Variants in DAGLB observed in about 807,000 individuals in gnomAD.
DAGLB encodes diacylglycerol lipase-beta.
DAGLB carries 66 observed loss-of-function variants against 72.1 expected under a neutral mutation model. That is an observed-to-expected ratio of 0.92 (90% CI 0.75 to 1.12). DAGLB has a LOEUF of 1.12. Among genes scored for constraint, DAGLB ranks in the 50% most tolerant of loss-of-function variants. DAGLB has a pLI of 0.00. For missense variants in DAGLB, 1,065 were observed against 884.9 expected (o/e 1.20, Z -2.58); for synonymous variants, 414 against 359.5 (o/e 1.15, Z -1.71).
chr7:6,426,355 C>T (rs1032518048), intron 6 of DAGLB, among the ~76,000 whole-genome samples: 5 of 152,212 alleles, frequency 3.3e-5, no homozygotes, highest in Admixed American at 6.5e-5. Flanking sequence ...CCGCAACCTC[C>T]GCCTCCCAGG....
intron 6 of DAGLB, among the ~76,000 whole-genome samples, chr7:6,427,603 T>C (rs1426593210): frequency 6.6e-6 from 1 of 152,078 alleles, no homozygotes; most frequent in Non-Finnish European, 1.5e-5. Context: ...AAAAAAAAGA[T>C]ATTAGTAAAA....
chr7:6,433,122 A>G (rs1459854686), intron 4 of DAGLB, among the ~76,000 whole-genome samples, 163 bp from the exon 5 acceptor site: 5 of 152,220 alleles, frequency 3.3e-5, no homozygotes, highest in Non-Finnish European at 5.9e-5. Context: ...GTGCTTCTCT[A>G]TGTGACCTGA....
chr7:6,438,095 T>C (rs1285639716), intron 2 of DAGLB, among the ~76,000 whole-genome samples: 3 of 151,862 alleles, frequency 2.0e-5, no homozygotes, highest in African/African-American at 4.8e-5. Flanking sequence ...GAGCAAACTA[T>C]CGCAAGGACA....
intron 2 of DAGLB, among the ~76,000 whole-genome samples, chr7:6,439,297 T>G (rs1784755845): frequency 6.6e-6 from 1 of 151,880 alleles, no homozygotes. Context: ...AAACTTTCCC[T>G]TTTATTTTTC....
intron 2 of DAGLB, among the ~76,000 whole-genome samples, chr7:6,437,394 T>A (rs1303995680): frequency 6.6e-6 from 1 of 152,108 alleles, no homozygotes; most frequent in Non-Finnish European, 1.5e-5. Context: ...TATCTCATTT[T>A]ACGTATGAGC....
At chr7:6,441,912 G>A (rs535138237) in intron 2 of DAGLB, among the ~76,000 whole-genome samples, 10 of 152,192 alleles carry the variant, frequency 6.6e-5, no homozygotes, top group African/African-American at 2.4e-4. Context: ...GAAGCAAGAC[G>A]GCATCGGGGC....
chr7:6,439,453 C>T (rs1179987389), intron 2 of DAGLB, among the ~76,000 whole-genome samples: 1 of 152,124 alleles, frequency 6.6e-6, no homozygotes, highest in African/African-American at 2.4e-5. Context: ...CATCCATCAT[C>T]AGACACAGCC....
At chr7:6,420,418 C>T (rs836512) in intron 9 of DAGLB, among the ~76,000 whole-genome samples, 9,689 of 148,774 alleles carry the variant, frequency 0.065, 813 homozygotes, top group African/African-American at 0.19. Context: ...CCAGCCTGGA[C>T]GACAGAGCAA....
chr7:6,410,125 C>T lies in DAGLB; in HGVS notation c.1820+5G>A, dbSNP rs777360450. ...TGCCCACCACACCCACCACGCCGCA[C>T]TCACCGCCCCGAGGCGCCCTCCTCC... is the stretch of plus-strand genomic sequence containing the variant. On this transcript the variant is annotated splice_donor_5th_base_variant and intron_variant, in intron 14 of 14. Transcript: ENST00000297056. 1.9e-6 allele frequency: 3 copies of T among 1,573,960 alleles called. No homozygotes were observed. Among genetic ancestry groups the T allele is most frequent in the East Asian group, 2.3e-5 (1 of 44,328 alleles).
intron 11 of DAGLB, 57 bp from the exon 12 acceptor site, chr7:6,413,091 C>A: frequency 5.7e-6 from 9 of 1,569,248 alleles, no homozygotes; most frequent in Non-Finnish European, 7.8e-6. Flanking sequence ...CCCACAAGGG[C>A]TTCCATGAAA....
Position 6,409,929 on chromosome 7 carries a change from T to C in DAGLB, c.1927A>G (p.Ile643Val), listed in dbSNP as rs138127497. 385 of 1,614,128 alleles carry C rather than the reference T, an allele frequency of 2.4e-4. 1 individual carries two copies. The highest frequency in any genetic ancestry group is 3.1e-4 in the Non-Finnish European group (368 of 1,180,046). Reference protein sequence around the residue: ...PKMLTDHMPDILMRALDSVVS... With the variant: ...PKMLTDHMPDVLMRALDSVVS... Reference sequence around the variant, plus strand: ...ACGCTGTCCAAGGCCCGCATCAGGATGTCTGGCATGTGGTCGGTGAGCATC... The same window carrying C: ...ACGCTGTCCAAGGCCCGCATCAGGACGTCTGGCATGTGGTCGGTGAGCATC... Residue 643 changes from isoleucine (I) to valine (V), a missense_variant, in exon 15 of 15, where the codon ATC (isoleucine) becomes GTC (valine). By Grantham distance (29) the Ile-to-Val change is conservative (BLOSUM62 3). Transcript: ENST00000297056.
At position 6,447,929 on chromosome 7, in the gene DAGLB, A is replaced by G; in HGVS notation, c.-87T>C. 1.4e-6 allele frequency: 2 copies of G among 1,468,898 alleles called. No homozygotes were observed. Among genetic ancestry groups the G allele is most frequent in the Non-Finnish European group, 1.8e-6 (2 of 1,113,440 alleles). The allele number at this position is 1,468,898 out of a possible 1,614,324, so 91.0% of individuals were successfully genotyped here. Reference sequence around the variant, plus strand: ...CAGCACCCTCCGGACGCCGCCACCAAATTATCGGCGCTCAAGCGCAAACGC... The same window carrying G: ...CAGCACCCTCCGGACGCCGCCACCAGATTATCGGCGCTCAAGCGCAAACGC... On this transcript the variant is annotated 5_prime_UTR_variant, in exon 1 of 15. Coordinates refer to ENST00000297056, the MANE Select transcript of DAGLB (RefSeq NM_139179.4).
At chr7:6,426,638 C>T (rs550042806) in intron 6 of DAGLB, among the ~76,000 whole-genome samples, 5 of 152,286 alleles carry the variant, frequency 3.3e-5, no homozygotes, top group African/African-American at 9.6e-5. Context: ...CTTCTGGCAT[C>T]ATGTTAATGA....
At chr7:6,415,542 A>T (rs905177262) in intron 11 of DAGLB, among the ~76,000 whole-genome samples, 6 of 151,946 alleles carry the variant, frequency 3.9e-5, no homozygotes, top group African/African-American at 1.4e-4. Context: ...CAGCAAAAAA[A>T]AATATAAACT....
chr7:6,425,997 GA>G lies in DAGLB; in HGVS notation c.1046del (p.Phe349SerfsTer11). 1 of 1,614,126 alleles carries G rather than the reference GA, an allele frequency of 6.2e-7. No homozygotes were observed. Among genetic ancestry groups the G allele is most frequent in the Non-Finnish European group, 8.5e-7 (1 of 1,179,984 alleles). On this transcript the variant is annotated frameshift_variant, in exon 7 of 15. Coordinates refer to ENST00000297056, the MANE Select transcript of DAGLB (RefSeq NM_139179.4). LOFTEE classifies it high-confidence loss of function. ...TCTGCAGCGTCCACACCTTGTCATG[GA>G]AGCTGACGTGGATGAAGTCCCTGTA... ...LQYRDFIHVS[F>X]HDKVYELPFL...
chr7:6,432,862 A>G lies in DAGLB; in HGVS notation c.776T>C (p.Val259Ala). 1 of 1,613,866 alleles carries G rather than the reference A, an allele frequency of 6.2e-7. No homozygotes were observed. The highest frequency in any genetic ancestry group is 1.7e-4 in the Middle Eastern group (1 of 6,028). Residue 259 changes from valine to alanine, a missense_variant, in exon 5 of 15, where the codon GTC becomes GCC. Physicochemically the swap from Val to Ala is moderately conservative, Grantham distance 64. Transcript: ENST00000297056. ...IRNNQEPAQV[V>A]CHAPGSSQEA... The stretch of plus-strand genomic sequence containing the variant: ...CTGGGAGCTCCCTGGGGCATGGCAG[A>G]CCACCTGGGCAGGCTCTTGGTTGTT...
chr7:6,411,354 G>A (rs888335227), intron 13 of DAGLB, among the ~76,000 whole-genome samples: 1 of 151,686 alleles, frequency 6.6e-6, no homozygotes, highest in Non-Finnish European at 1.5e-5. Context: ...CACAGCAGTG[G>A]CTCACACCTG....
At chr7:6,424,729 G>A (rs1357235606) in intron 8 of DAGLB, 23 bp downstream of exon 8, 2 of 1,612,274 alleles carry the variant, frequency 1.2e-6, no homozygotes, top group Non-Finnish European at 1.7e-6. Flanking sequence ...TCCCAGGGCT[G>A]GAAAGTCAGG....
intron 6 of DAGLB, among the ~76,000 whole-genome samples, chr7:6,429,880 T>C (rs534073786): frequency 2.6e-5 from 4 of 151,908 alleles, no homozygotes; most frequent in African/African-American, 9.7e-5. Context: ...CCATCTCTAC[T>C]AAAAATACAA....
Sources: gnomAD v4.1 joint callset for allele counts (sites outside exome capture counted in the v4.1 genomes callset) on GRCh38, gnomAD v4.1.1 for gene constraint, MANE v1.5 for transcripts, NCBI Gene and HGNC (gene_info 2026-07-23, HGNC 2026-07-21) for gene names.